The following PNPLA7 variants were observed in gnomAD, a reference collection of about 807,000 sequenced individuals.
PNPLA7 encodes patatin-like phospholipase domain-containing protein 7.
A neutral mutation model predicts 161.7 loss-of-function variants in PNPLA7; 153 were observed. The ratio of observed to expected loss-of-function variants is 0.95; its 90% CI spans 0.83 to 1.08. The LOEUF is 1.08. Among genes scored for constraint, PNPLA7 ranks in the 50% least tolerant of loss-of-function variants. The probability of loss-of-function intolerance (pLI) is 0.00; values close to 1 mark genes in which losing one functional copy is unlikely to be tolerated. For missense variants in PNPLA7, 1,739 were observed against 1,856.6 expected (o/e 0.94, Z 1.16); for synonymous variants, 809 against 782.1 (o/e 1.03, Z -0.57).
At chr9:137,531,115 A>G (rs1835559589) in intron 8 of PNPLA7, among the ~76,000 whole-genome samples, 1 of 152,090 alleles carries the variant, frequency 6.6e-6, no homozygotes, top group Admixed American at 6.6e-5. Context: ...GCTACACCAC[A>G]CCACAAGAAA....
rs1836217896 is a variant in PNPLA7 at position 137,541,763 on chromosome 9, C to T, written c.666+879G>A. ...ACAGAGGCAGGAAACAAGTATTGAG[C>T]TCCTACGTGGATTCACACCCGAATT... On this transcript the variant is annotated intron_variant, in intron 7 of 34. Transcript: ENST00000406427. This position sits in a 1 kb window ranked among gnomAD's most constrained non-coding sequence, Gnocchi z 4.4. Among the ~76,000 whole-genome samples the T allele has an allele frequency of 6.6e-6, 1 of 152,140 alleles. No homozygotes were observed. Among genetic ancestry groups the T allele is most frequent in the Admixed American group, 6.5e-5 (1 of 15,272 alleles).
intron 12 of PNPLA7, among the ~76,000 whole-genome samples, chr9:137,514,040 C>A (rs966246395): frequency 8.5e-5 from 13 of 152,322 alleles, no homozygotes; most frequent in African/African-American, 3.1e-4. Context: ...TGCCCTGGGC[C>A]CTGTGGCTGG....
intron 11 of PNPLA7, 93 bp downstream of exon 11, chr9:137,519,824 T>C (rs750843224): frequency 6.1e-4 from 913 of 1,496,850 alleles, no homozygotes; most frequent in Non-Finnish European, 7.8e-4. Context: ...GCCTCAGGCA[T>C]GTGCAAGATG....
rs137943045 is a variant in PNPLA7, at chr9:137,501,626, G to GCC, written c.1551+22_1551+23dup. ...GGCTATGGCATTGGGTGGTCCCAGTGCCCCCCCCCAGACCCCCGCTCACCT... is the reference window on the plus strand; with the variant it reads ...GGCTATGGCATTGGGTGGTCCCAGTGCCCCCCCCCCCAGACCCCCGCTCACCT... On this transcript the variant is annotated intron_variant, in intron 15 of 34. Coordinates refer to ENST00000406427, the MANE Select transcript of PNPLA7 (RefSeq NM_001098537.3). 5.8e-6 allele frequency: 9 copies of GCC among 1,559,212 alleles called. No individual in the cohort carries two copies. In the East Asian group the frequency reaches 9.2e-5, roughly 16 times the overall value.
intron 11 of PNPLA7, among the ~76,000 whole-genome samples, chr9:137,519,653 C>G (rs1834882972): frequency 7.1e-6 from 1 of 140,822 alleles, no homozygotes; most frequent in Admixed American, 6.8e-5. Flanking sequence ...CTGATGAGAC[C>G]TGGGGGGCAT....
At chr9:137,498,334 A>T in intron 16 of PNPLA7, 89 bp from the exon 17 acceptor site, 1 of 1,545,748 alleles carries the variant, frequency 6.5e-7, no homozygotes, top group South Asian at 1.2e-5. Context: ...GATGGGACCC[A>T]CAACCCCCAC....
rs1015899943 is a variant in PNPLA7, at chr9:137,537,004, C to T, written c.747+3638G>A. On this transcript the variant is annotated intron_variant, in intron 8 of 34. Coordinates refer to ENST00000406427, the MANE Select transcript of PNPLA7 (RefSeq NM_001098537.3). This position sits in a 1 kb window ranked among gnomAD's most constrained non-coding sequence, Gnocchi z 4.5. ...CCACCGAGCCACACTTCATCTCCCACAACAGGAAGCATGGGGGCCATCCAC... is the reference window on the plus strand; with the variant it reads ...CCACCGAGCCACACTTCATCTCCCATAACAGGAAGCATGGGGGCCATCCAC... 2.0e-5 allele frequency among the ~76,000 whole-genome samples: 3 copies of T among 149,886 alleles called. No individual in the cohort carries two copies. Among genetic ancestry groups the T allele is most frequent in the South Asian group, 2.1e-4 (1 of 4,668 alleles).
In PNPLA7 at chr9:137,541,564, G is replaced by C. The variant is rs1390711106; in HGVS notation, c.667-842C>G. On this transcript the variant is annotated intron_variant, in intron 7 of 34. Coordinates refer to ENST00000406427, the MANE Select transcript of PNPLA7 (RefSeq NM_001098537.3). The surrounding 1 kb of genome is among the most constrained non-coding windows in gnomAD (Gnocchi z 4.4). ...AGGGTGATGATCACACAAAGCCCAG[G>C]GTTTGCTGAGTGCGTGCTTTAAATG... 1 of 906,440 alleles carries C rather than the reference G, an allele frequency of 1.1e-6. No homozygotes were observed. The highest frequency in any genetic ancestry group is 1.3e-6 in the Non-Finnish European group (1 of 757,868). 56.1% of individuals were successfully genotyped at this position (906,440 alleles called of 1,614,324 possible).
At chr9:137,539,932 C>T (rs1836101119) in intron 8 of PNPLA7, among the ~76,000 whole-genome samples, 1 of 152,134 alleles carries the variant, frequency 6.6e-6, no homozygotes, top group Non-Finnish European at 1.5e-5. Context: ...ATTACTGGCG[C>T]CTGCCCCTAC....
In PNPLA7 at chr9:137,462,818, G is replaced by A. The variant is rs568603035; in HGVS notation, c.3359C>T (p.Ser1120Phe). 1 of 1,613,836 alleles carries A rather than the reference G, an allele frequency of 6.2e-7. No individual in the cohort carries two copies. Among genetic ancestry groups the A allele is most frequent in the South Asian group, 1.1e-5 (1 of 91,076 alleles). ...INNLPADVAR[S>F]MGAKVVIAID... ...GGCGATCACCACTTTTGCCCCCATGGACCGGGCCACATCCGCTAGGGAGAA... is the reference window on the plus strand; with the variant it reads ...GGCGATCACCACTTTTGCCCCCATGAACCGGGCCACATCCGCTAGGGAGAA... Residue 1120 changes from serine (S) to phenylalanine (F), a missense_variant, in exon 30 of 35, where the codon TCC becomes TTC. Ser to Phe is a radical substitution (Grantham distance 155). Coordinates refer to ENST00000406427, the MANE Select transcript of PNPLA7 (RefSeq NM_001098537.3).
At position 137,461,916 on chromosome 9, in the gene PNPLA7, G is replaced by C; in HGVS notation, c.3756+15C>G. Reference sequence around the variant, plus strand: ...GGTCCGGGGAGCTGGGCGTGGTCCGGACGCCCGTACTCACCGCACTCGCGG... The same window carrying C: ...GGTCCGGGGAGCTGGGCGTGGTCCGCACGCCCGTACTCACCGCACTCGCGG... On this transcript the variant is annotated intron_variant, in intron 32 of 34. Transcript: ENST00000406427. The C allele has an allele frequency of 6.5e-7, 1 of 1,540,870 alleles. No individual in the cohort carries two copies. The highest frequency in any genetic ancestry group is 1.2e-5 in the South Asian group (1 of 82,932).
Position 137,500,936 on chromosome 9 carries a change from G to T in PNPLA7, c.1552-40C>A. The T allele has an allele frequency of 6.5e-7, 1 of 1,527,510 alleles. No homozygotes were observed. Among genetic ancestry groups the T allele is most frequent in the Non-Finnish European group, 8.8e-7 (1 of 1,138,698 alleles). 94.6% of individuals were successfully genotyped at this position (1,527,510 alleles called of 1,614,324 possible). The stretch of plus-strand genomic sequence containing the variant: ...GGCTCAGGAGGCGCCGCGAGTGGCC[G>T]CGGGCAGGACGGGGGCAGCTCTGGG... On this transcript the variant is annotated intron_variant, in intron 15 of 34. Coordinates refer to ENST00000406427, the MANE Select transcript of PNPLA7 (RefSeq NM_001098537.3). The surrounding 1 kb of genome is among the most constrained non-coding windows in gnomAD (Gnocchi z 5.5).
chr9:137,492,506 G>A (rs1271689532), intron 20 of PNPLA7, among the ~76,000 whole-genome samples: 1 of 136,408 alleles, frequency 7.3e-6, no homozygotes, highest in Non-Finnish European at 1.6e-5. Context: ...GAGGGGCATG[G>A]GCGGGTGGGT....
At chr9:137,513,961 G>A (rs767091074) in intron 12 of PNPLA7, among the ~76,000 whole-genome samples, 2 of 152,286 alleles carry the variant, frequency 1.3e-5, no homozygotes, top group Non-Finnish European at 2.9e-5. Context: ...AGACGGCAGA[G>A]GGGGCAGGTC....
At position 137,480,304 on chromosome 9, in the gene PNPLA7, G is replaced by A. The variant is rs75480970; in HGVS notation, c.2580+8C>T. The A allele has an allele frequency of 0.065, 104,529 of 1,610,256 alleles. 3,945 individuals carry two copies. The highest frequency in any genetic ancestry group is 0.096 in the Middle Eastern group (513 of 5,326). The stretch of plus-strand genomic sequence containing the variant: ...CTCCCCAGCTCCACCGGCCCTCCCC[G>A]TGCTCACCTCGCCCACTGTGGGCTC... On this transcript the variant is annotated splice_region_variant and intron_variant, in intron 23 of 34. Transcript: ENST00000406427.
chr9:137,483,702 C>A (rs1347252610), intron 21 of PNPLA7, among the ~76,000 whole-genome samples: 2 of 152,032 alleles, frequency 1.3e-5, no homozygotes, highest in Non-Finnish European at 2.9e-5. Context: ...AGTGATCCAC[C>A]CGCCTCGGCC....
chr9:137,476,539 G>A lies in PNPLA7; in HGVS notation c.2882+1495C>T, dbSNP rs892060777. On this transcript the variant is annotated intron_variant, in intron 25 of 34. Coordinates refer to ENST00000406427, the MANE Select transcript of PNPLA7 (RefSeq NM_001098537.3). The surrounding 1 kb of genome is among the most constrained non-coding windows in gnomAD (Gnocchi z 4.5). ...AAAAAACCAAAAACTTAGTAGAATA[G>A]GAATATGATTTAGAAATACAGACAA... Among the ~76,000 whole-genome samples, 3 of 152,060 alleles carry A rather than the reference G, an allele frequency of 2.0e-5. No individual in the cohort carries two copies. The highest frequency in any genetic ancestry group is 7.2e-5 in the African/African-American group (3 of 41,406).
rs1045556455 is a variant in PNPLA7 at position 137,460,009 on chromosome 9, C to T, written c.*384G>A. 1.9e-5 allele frequency: 4 copies of T among 214,820 alleles called. No homozygotes were observed. In the Admixed American group the frequency reaches 2.1e-4, roughly 11 times the overall value. 13.3% of individuals were successfully genotyped at this position (214,820 alleles called of 1,614,324 possible). A position where few individuals can be genotyped will look rare whatever the true frequency, so the allele number is the denominator to read the frequency against. On this transcript the variant is annotated 3_prime_UTR_variant, in exon 35 of 35. Coordinates refer to ENST00000406427, the MANE Select transcript of PNPLA7 (RefSeq NM_001098537.3). ...CACGGCAGCATCAGGGCTCCCACACCTCACAGGGCAGCAGGCAGTTCACAG... is the reference window on the plus strand; with the variant it reads ...CACGGCAGCATCAGGGCTCCCACACTTCACAGGGCAGCAGGCAGTTCACAG...
At position 137,479,101 on chromosome 9, in the gene PNPLA7, G is replaced by C; in HGVS notation, c.2718C>G (p.Leu906=). ...TGGAGAAGACGCGGCGCGGGCAGCA[G>C]AGGTGCAGGTGGCCGGAGCACCAGC... ...MRSWCSGHLH[L]CCPRRVFSRR... The change falls in exon 24 of 35, where the codon CTC becomes CTG. Residue 906 remains leucine, a synonymous_variant. Transcript: ENST00000406427. The C allele has an allele frequency of 6.2e-7, 1 of 1,600,284 alleles. No individual in the cohort carries two copies. The highest frequency in any genetic ancestry group is 8.5e-7 in the Non-Finnish European group (1 of 1,174,162).
Sources: gnomAD v4.1 joint callset for allele counts (sites outside exome capture counted in the v4.1 genomes callset) on GRCh38, gnomAD v4.1.1 for gene constraint, Gnocchi (gnomAD v3.1) non-coding constraint, MANE v1.5 for transcripts, NCBI Gene and HGNC (gene_info 2026-07-23, HGNC 2026-07-21) for gene names.